Variants in KANTR observed in about 807,000 individuals in gnomAD.
The protein encoded by KANTR is KDM5C adjacent transcript.
chrX:53,145,843 A>G (rs1477478208), downstream of KANTR, among the ~76,000 whole-genome samples: 10 of 112,019 alleles, frequency 8.9e-5, no homozygotes, highest in Admixed American at 3.8e-4. Context: ...CTGTTCACCA[A>G]TATCTGCTGT....
chrX:53,129,441 T>C (rs1406745107), downstream of KANTR, among the ~76,000 whole-genome samples: 4 of 111,128 alleles, frequency 3.6e-5, no homozygotes, highest in East Asian at 1.1e-3. Flanking sequence ...TCCTTTAGCA[T>C]AGATCACTTA....
intron 2 of KANTR, among the ~76,000 whole-genome samples, chrX:53,134,285 C>T (rs782253229): frequency 1.8e-5 from 2 of 110,446 alleles, no homozygotes; most frequent in South Asian, 3.9e-4. Context: ...TCACTTGAAC[C>T]CAGGAGGTGG....
chrX:53,136,225 GTTTGTTTCTT>G (rs1556817592), intron 2 of KANTR, among the ~76,000 whole-genome samples: 1 of 111,243 alleles, frequency 9.0e-6, no homozygotes, highest in Admixed American at 9.6e-5. Flanking sequence ...GCAACAGAGA[GTTTGTTTCTT>G]TTTGTTTGTT....
intron 2 of KANTR, among the ~76,000 whole-genome samples, chrX:53,104,654 C>T (rs1038097608): frequency 9.0e-6 from 1 of 111,332 alleles, no homozygotes; most frequent in Admixed American, 9.6e-5. Flanking sequence ...TAAATTAGAT[C>T]GTACAAGATA....
intron 2 of KANTR, among the ~76,000 whole-genome samples, chrX:53,117,981 T>G (rs1394260434): frequency 8.9e-6 from 1 of 111,826 alleles, no homozygotes; most frequent in Non-Finnish European, 1.9e-5. Context: ...GATTCACCTA[T>G]GTTGTTACAT....
intron 2 of KANTR, among the ~76,000 whole-genome samples, chrX:53,115,877 C>G (rs782331396): frequency 8.9e-6 from 1 of 111,884 alleles, no homozygotes; most frequent in Non-Finnish European, 1.9e-5. Flanking sequence ...GAAGTATTTT[C>G]GTGTATGGAT....
chrX:53,130,241 GC>G (rs1477651666), downstream of KANTR, among the ~76,000 whole-genome samples: 1 of 112,176 alleles, frequency 8.9e-6, no homozygotes, highest in Non-Finnish European at 1.9e-5. Flanking sequence ...ACCAGATTTG[GC>G]CAAAGGCACC....
At chrX:53,097,099 C>T (rs920311771) in intron 1 of KANTR, among the ~76,000 whole-genome samples, 15 of 110,989 alleles carry the variant, frequency 1.4e-4, no homozygotes, top group African/African-American at 3.6e-4. Context: ...GCAACAAGAG[C>T]GAAACTTCGT....
At chrX:53,095,035 T>A (rs782046964) in intron 1 of KANTR, among the ~76,000 whole-genome samples, 6 of 112,010 alleles carry the variant, frequency 5.4e-5, no homozygotes, top group Non-Finnish European at 1.1e-4. Flanking sequence ...CCCGAGGACA[T>A]GAGCTTAGCC....
Position 53,114,053 on chromosome X carries a change from T to C in KANTR, c.-804-9416T>C, listed in dbSNP as rs1348149984. Reference sequence around the variant, plus strand: ...AACTGGGACCACAGACATGTGCCACTACATCCAGCTAATTTTTTTGTATTT... The same window carrying C: ...AACTGGGACCACAGACATGTGCCACCACATCCAGCTAATTTTTTTGTATTT... On this transcript the variant is annotated intron_variant, in intron 2 of 2. Coordinates refer to ENST00000604062, the Ensembl canonical transcript of KANTR. 2.7e-5 allele frequency among the ~76,000 whole-genome samples: 3 copies of C among 110,010 alleles called. No individual in the cohort carries two copies. In the Admixed American group the frequency reaches 2.9e-4, roughly 11 times the overall value.
chrX:53,119,745 G>C (rs781941930), intron 2 of KANTR, among the ~76,000 whole-genome samples: 9 of 111,007 alleles, frequency 8.1e-5, no homozygotes, highest in African/African-American at 2.9e-4. Context: ...TTTGAGATAG[G>C]TTCTTGCTCT....
exon 3 of KANTR, chrX:53,125,067 G>A (rs898168517): frequency 3.6e-5 from 4 of 111,120 alleles, no homozygotes; most frequent in African/African-American, 6.5e-5. Context: ...ATTCTATCTC[G>A]TTTCTTGCTT....
chrX:53,138,386 G>A (rs1286542392), intron 2 of KANTR, among the ~76,000 whole-genome samples: 1 of 108,637 alleles, frequency 9.2e-6, no homozygotes, highest in Non-Finnish European at 1.9e-5. Flanking sequence ...ATATAGGCTG[G>A]GCGCTGTGGT....
chrX:53,143,477 C>T, downstream of KANTR: 2 of 594,291 alleles, frequency 3.4e-6, no homozygotes, highest in Non-Finnish European at 5.9e-6. Context: ...AGTGATGCGC[C>T]CAGAGGCTTA....
chrX:53,129,184 C>T (rs781914046), downstream of KANTR, among the ~76,000 whole-genome samples: 2 of 105,205 alleles, frequency 1.9e-5, no homozygotes, highest in South Asian at 9.0e-4. Context: ...TCTCCTGCCT[C>T]CGCCTCCCAA....
chrX:53,108,322 C>T lies in KANTR; in HGVS notation c.-805+8714C>T, dbSNP rs191341504. On this transcript the variant is annotated intron_variant, in intron 2 of 2. Transcript: ENST00000604062. Reference sequence around the variant, plus strand: ...GTTCAAGCAATTCTTGTGCCTCAGCCTCCCAAGCAGCTGGGACTACAGGTG... The same window carrying T: ...GTTCAAGCAATTCTTGTGCCTCAGCTTCCCAAGCAGCTGGGACTACAGGTG... Among the ~76,000 whole-genome samples, 429 of 109,620 alleles carry T rather than the reference C, an allele frequency of 3.9e-3. 2 individuals are homozygous for T. The highest frequency in any genetic ancestry group is 0.014 in the African/African-American group (409 of 30,096).
At chrX:53,111,173 C>T (rs1556813722) in intron 2 of KANTR, among the ~76,000 whole-genome samples, 1 of 107,185 alleles carries the variant, frequency 9.3e-6, no homozygotes, top group Non-Finnish European at 1.9e-5. Flanking sequence ...ACGACCACAC[C>T]CGGCTAAGTT....
chrX:53,143,331 G>T, downstream of KANTR: 2 of 695,916 alleles, frequency 2.9e-6, no homozygotes, highest in Non-Finnish European at 4.5e-6. Flanking sequence ...GGTGAAGCTT[G>T]GTGAGGATCT....
intron 2 of KANTR, among the ~76,000 whole-genome samples, chrX:53,109,450 A>G (rs1189262536): frequency 9.0e-6 from 1 of 111,056 alleles, no homozygotes; most frequent in African/African-American, 3.3e-5. Flanking sequence ...ACACCCTGCT[A>G]ATTTTGTATT....
Sources: gnomAD v4.1 joint callset for allele counts (sites outside exome capture counted in the v4.1 genomes callset) on GRCh38, gnomAD v4.1.1 for gene constraint, MANE v1.5 for transcripts, NCBI Gene and HGNC (gene_info 2026-07-23, HGNC 2026-07-21) for gene names.